POLA1: variants seen among roughly 807,000 people sequenced by gnomAD.
The protein encoded by POLA1 is DNA polymerase alpha 1, catalytic subunit.
A neutral mutation model predicts 124.0 loss-of-function variants in POLA1; 15 were observed. The ratio of observed to expected loss-of-function variants is 0.12; its 90% CI spans 0.08 to 0.19. The LOEUF is 0.19. POLA1 is among the 10% of genes least tolerant of loss of function. The probability of loss-of-function intolerance (pLI) is 1.00; values close to 1 mark genes in which losing one functional copy is unlikely to be tolerated. For missense variants in POLA1, 886 were observed against 1,103.4 expected (o/e 0.80, Z 2.79); for synonymous variants, 408 against 389.4 (o/e 1.05, Z -0.56).
intron 26 of POLA1, among the ~76,000 whole-genome samples, chrX:24,755,009 A>G (rs1932525247): frequency 1.8e-5 from 2 of 112,707 alleles, no homozygotes; most frequent in African/African-American, 3.2e-5. Flanking sequence ...TACAAACAGT[A>G]CTGAAGTAGA....
At chrX:24,985,436 C>A (rs2048470758) in intron 36 of POLA1, among the ~76,000 whole-genome samples, 1 of 112,913 alleles carries the variant, frequency 8.9e-6, no homozygotes, top group African/African-American at 3.2e-5. Context: ...CTAATAACCC[C>A]CCATTTGGAA....
chrX:24,717,197 T>C, intron 8 of POLA1, 93 bp from the exon 9 acceptor site: 1 of 716,934 alleles, frequency 1.4e-6, no homozygotes, highest in Non-Finnish European at 2.2e-6. Flanking sequence ...GCTATTTTAG[T>C]GTTGGATAAG....
rs748744545 is a variant in POLA1, at chrX:24,725,227, C to T, written c.1318-754C>T. 3.1e-4 allele frequency among the ~76,000 whole-genome samples: 27 copies of T among 88,299 alleles called. No homozygotes were observed. The East Asian group carries it at 9.9e-3, about 32-fold the overall frequency. The allele number at this position is 88,299 out of a possible 115,157, so 76.7% of individuals were successfully genotyped here. On this transcript the variant is annotated intron_variant, in intron 12 of 36. Coordinates refer to ENST00000379068, the MANE Select transcript of POLA1 (RefSeq NM_001330360.2). Reference sequence around the variant, plus strand: ...TTTTTTTTTTTGAGATGGAGTCTTGCTCTGTTGTCCAGGTTGGAGTGCAGT... The same window carrying T: ...TTTTTTTTTTTGAGATGGAGTCTTGTTCTGTTGTCCAGGTTGGAGTGCAGT...
intron 26 of POLA1, among the ~76,000 whole-genome samples, chrX:24,767,521 TCTAAG>T (rs1445135487): frequency 8.9e-6 from 1 of 112,345 alleles, no homozygotes; most frequent in Non-Finnish European, 1.9e-5. Flanking sequence ...TAGACACTGT[TCTAAG>T]CACTTTATAT....
chrX:24,771,165 G>C (rs1357363707), intron 26 of POLA1, among the ~76,000 whole-genome samples: 4 of 111,201 alleles, frequency 3.6e-5, no homozygotes, highest in Non-Finnish European at 7.5e-5. Context: ...ATGACTACTA[G>C]TAATCTCTGA....
At chrX:24,907,052 C>T (rs1237526125) in intron 35 of POLA1, among the ~76,000 whole-genome samples, 1 of 111,039 alleles carries the variant, frequency 9.0e-6, no homozygotes, top group Non-Finnish European at 1.9e-5. Context: ...ATTAGCTGGG[C>T]GTGGCGGTAC....
chrX:24,925,827 C>A (rs1400216073), intron 35 of POLA1, among the ~76,000 whole-genome samples: 6 of 111,351 alleles, frequency 5.4e-5, no homozygotes, highest in Non-Finnish European at 1.1e-4. Flanking sequence ...GTGAGCTCAG[C>A]TCACTACAAC....
At chrX:24,708,372 C>CTTT (rs397799733) in intron 4 of POLA1, among the ~76,000 whole-genome samples, 6 of 80,053 alleles carry the variant, frequency 7.5e-5, no homozygotes, top group Non-Finnish European at 9.6e-5. Flanking sequence ...CATGAAAATA[C>CTTT]TTTTTTTTTT....
At chrX:24,901,467 TGAGAGAATTTGGGCAGAGGGTG>T (rs1348810772) in intron 35 of POLA1, among the ~76,000 whole-genome samples, 2 of 110,826 alleles carry the variant, frequency 1.8e-5, no homozygotes, top group African/African-American at 6.6e-5. Context: ...AGAGGTAAGG[TGAGAGAATTTGGGCAGAGGGTG>T]GAGACACTGT....
At chrX:24,860,630 G>A (rs2046703824) in intron 34 of POLA1, among the ~76,000 whole-genome samples, 1 of 112,569 alleles carries the variant, frequency 8.9e-6, no homozygotes, top group Admixed American at 9.4e-5. Flanking sequence ...GTTGCTAGTA[G>A]AAGCAACTCT....
intron 36 of POLA1, among the ~76,000 whole-genome samples, chrX:24,953,874 C>G (rs1400464949): frequency 2.7e-5 from 3 of 112,095 alleles, no homozygotes; most frequent in Non-Finnish European, 5.6e-5. Context: ...TCACAACTTT[C>G]AAAGGTGACT....
intron 20 of POLA1, among the ~76,000 whole-genome samples, chrX:24,739,872 A>G (rs1476584862): frequency 8.9e-6 from 1 of 111,901 alleles, no homozygotes; most frequent in African/African-American, 3.3e-5. Flanking sequence ...ATTAAGTTAG[A>G]GGTATTGCTT....
chrX:24,833,650 G>A (rs1041392441), intron 32 of POLA1, among the ~76,000 whole-genome samples: 1 of 111,937 alleles, frequency 8.9e-6, no homozygotes, highest in Admixed American at 9.4e-5. Context: ...GAGCCTAGCT[G>A]TTTTTCCCCA....
intron 4 of POLA1, among the ~76,000 whole-genome samples, chrX:24,705,579 T>G (rs1459745513): frequency 1.8e-5 from 2 of 112,043 alleles, no homozygotes; most frequent in African/African-American, 3.2e-5. Flanking sequence ...ATATATTGTC[T>G]GTATTAAAAG....
rs200448828 is a variant in POLA1, at chrX:24,700,280, TACTATGATTAATA to T, written c.168+734_168+746del. ...TTTTCAATAACCAAATGAAATTAGA[TACTATGATTAATA>T]ACATTTTGCAGGTGAGATATCCGAG... is the stretch of plus-strand genomic sequence containing the variant. On this transcript the variant is annotated intron_variant, in intron 2 of 36. Transcript: ENST00000379068. 8.1e-5 allele frequency among the ~76,000 whole-genome samples: 9 copies of T among 110,919 alleles called. No homozygotes were observed. In the East Asian group the frequency reaches 2.6e-3, roughly 32 times the overall value.
chrX:24,736,757 ATCTCTGTAACTCTT>A (rs1379560033), intron 18 of POLA1, among the ~76,000 whole-genome samples: 1 of 111,944 alleles, frequency 8.9e-6, no homozygotes, highest in African/African-American at 3.2e-5. Context: ...ACCACGATCC[ATCTCTGTAACTCTT>A]TTCATTTTGT....
At chrX:24,787,312 T>C (rs1336847375) in intron 26 of POLA1, among the ~76,000 whole-genome samples, 6 of 112,062 alleles carry the variant, frequency 5.4e-5, no homozygotes, top group Admixed American at 9.5e-5. Context: ...GAGCTTTTTT[T>C]CCCTATATTT....
intron 35 of POLA1, among the ~76,000 whole-genome samples, chrX:24,926,316 A>C (rs1477577493): frequency 9.0e-6 from 1 of 111,481 alleles, no homozygotes; most frequent in Admixed American, 9.5e-5. Flanking sequence ...TAAGGGGAAG[A>C]TGGGGAATAA....
At chrX:24,882,976 T>C (rs1420181091) in intron 34 of POLA1, among the ~76,000 whole-genome samples, 2 of 111,696 alleles carry the variant, frequency 1.8e-5, no homozygotes, top group Non-Finnish European at 3.8e-5. Context: ...CAACAGTGTA[T>C]AAGCGTTCCC....
Sources: gnomAD v4.1 joint callset for allele counts (sites outside exome capture counted in the v4.1 genomes callset) on GRCh38, gnomAD v4.1.1 for gene constraint, MANE v1.5 for transcripts, NCBI Gene and HGNC (gene_info 2026-07-23, HGNC 2026-07-21) for gene names.